KCNC2: variants seen among roughly 807,000 people sequenced by gnomAD.
KCNC2 encodes potassium voltage-gated channel subfamily C member 2.
KCNC2 carries 21 observed loss-of-function variants against 44.5 expected under a neutral mutation model. The ratio of observed to expected loss-of-function variants is 0.47; its 90% CI spans 0.33 to 0.68. KCNC2 has a LOEUF of 0.68. Among genes scored for constraint, KCNC2 ranks in the 30% least tolerant of loss-of-function variants. The pLI is 0.01. For missense variants in KCNC2, 589 were observed against 826.2 expected (o/e 0.71, Z 3.52); for synonymous variants, 391 against 339.1 (o/e 1.15, Z -1.68).
chr12:75,091,745 AG>A (rs1188493491), intron 2 of KCNC2, among the ~76,000 whole-genome samples: 2 of 151,606 alleles, frequency 1.3e-5, no homozygotes, highest in Non-Finnish European at 3.0e-5. Context: ...ACAAATGAGT[AG>A]GCACCTATAC....
chr12:75,143,823 A>G (rs971780641), intron 2 of KCNC2, among the ~76,000 whole-genome samples: 1 of 152,216 alleles, frequency 6.6e-6, no homozygotes, highest in African/African-American at 2.4e-5. Flanking sequence ...AATCTTCTGT[A>G]ACTCAGATTG....
chr12:75,047,988 T>C (rs1880721561), intron 4 of KCNC2, among the ~76,000 whole-genome samples, 165 bp downstream of exon 4: 2 of 152,094 alleles, frequency 1.3e-5, no homozygotes, highest in African/African-American at 4.8e-5. Flanking sequence ...GGTTATTATG[T>C]ATTTTAACAA....
At chr12:75,158,228 G>C (rs951799685) in intron 2 of KCNC2, among the ~76,000 whole-genome samples, 1 of 151,780 alleles carries the variant, frequency 6.6e-6, no homozygotes, top group Non-Finnish European at 1.5e-5. Flanking sequence ...AATAAAATCA[G>C]CATCATTACT....
chr12:75,080,021 A>G (rs1156347642), intron 2 of KCNC2, among the ~76,000 whole-genome samples: 1 of 152,162 alleles, frequency 6.6e-6, no homozygotes, highest in African/African-American at 2.4e-5. Context: ...GACTTGCTCT[A>G]TGATTGTTCT....
chr12:75,072,974 C>T (rs1457579603), intron 2 of KCNC2, among the ~76,000 whole-genome samples: 1 of 152,058 alleles, frequency 6.6e-6, no homozygotes, highest in East Asian at 1.9e-4. Context: ...GAATACATCC[C>T]TTATTATGGA....
In KCNC2 at chr12:75,051,064, A is replaced by G; in HGVS notation, c.941T>C (p.Leu314Pro). Residue 314 changes from leucine (L) to proline (P), a missense_variant, in exon 3 of 5, where the codon CTC becomes CCC. This residue lies in a region of KCNC2 where 67 missense variants were observed against 237.4 expected (regional missense o/e 0.28). Transcript: ENST00000549446. ...GGCCACAAAGTCAATGATATTCAAG[A>G]GATTTTTGATGAATTCAAGTTTATT... The part of the protein sequence containing the change: ...SPNKLEFIKN[L>P]LNIIDFVAIL... The G allele has an allele frequency of 6.2e-7, 1 of 1,613,858 alleles. No homozygotes were observed. Among genetic ancestry groups the G allele is most frequent in the Non-Finnish European group, 8.5e-7 (1 of 1,179,850 alleles).
At chr12:75,104,582 C>A (rs148183449) in intron 2 of KCNC2, among the ~76,000 whole-genome samples, 8 of 152,204 alleles carry the variant, frequency 5.3e-5, no homozygotes, top group African/African-American at 1.9e-4. Flanking sequence ...TACTTTAATT[C>A]TGAGCATGGT....
chr12:75,169,453 C>G lies in KCNC2; in HGVS notation c.687+37844G>C, dbSNP rs962802072. On this transcript the variant is annotated intron_variant, in intron 2 of 4. Coordinates refer to ENST00000549446, the MANE Select transcript of KCNC2 (RefSeq NM_139137.4). ...TAAGTGTGCAAAATGATAATTTATT[C>G]TTTTAAAATTTATGAAATCAAAAGA... Among the ~76,000 whole-genome samples, 2 of 151,384 alleles carry G rather than the reference C, an allele frequency of 1.3e-5. 1 individual carries two copies. The highest frequency in any genetic ancestry group is 4.1e-4 in the South Asian group (2 of 4,822).
At chr12:75,177,053 T>TATATATAC (rs1387721182) in intron 2 of KCNC2, among the ~76,000 whole-genome samples, 1 of 149,096 alleles carries the variant, frequency 6.7e-6, no homozygotes, top group Non-Finnish European at 1.5e-5. Context: ...TATATATATA[T>TATATATAC]ATATACACAC....
At chr12:75,140,413 T>C (rs571835782) in intron 2 of KCNC2, among the ~76,000 whole-genome samples, 2 of 152,298 alleles carry the variant, frequency 1.3e-5, no homozygotes, top group East Asian at 3.9e-4. Flanking sequence ...AATTATTTTG[T>C]AAATGGCAAA....
intron 2 of KCNC2, among the ~76,000 whole-genome samples, chr12:75,071,357 T>C: frequency 6.6e-6 from 1 of 152,152 alleles, no homozygotes; most frequent in East Asian, 1.9e-4. Context: ...GCTTCACGAA[T>C]AAAGGGGTAT....
chr12:75,082,300 GTAA>G (rs903780959), intron 2 of KCNC2, among the ~76,000 whole-genome samples: 5 of 151,804 alleles, frequency 3.3e-5, no homozygotes, highest in Middle Eastern at 3.4e-3. Flanking sequence ...AACAATAAAG[GTAA>G]TAATAATTTT....
At chr12:75,059,664 C>A (rs1293203126) in intron 2 of KCNC2, among the ~76,000 whole-genome samples, 1 of 152,022 alleles carries the variant, frequency 6.6e-6, no homozygotes, top group Non-Finnish European at 1.5e-5. Context: ...TTATGTATGA[C>A]TAACAGGACA....
intron 2 of KCNC2, among the ~76,000 whole-genome samples, chr12:75,164,831 A>T (rs1217446701): frequency 6.6e-6 from 1 of 151,698 alleles, no homozygotes; most frequent in Non-Finnish European, 1.5e-5. Flanking sequence ...TGCATAAATT[A>T]TTCAAAATAG....
At chr12:75,046,650 C>T (rs1880554479) in intron 4 of KCNC2, among the ~76,000 whole-genome samples, 1 of 151,688 alleles carries the variant, frequency 6.6e-6, no homozygotes, top group Non-Finnish European at 1.5e-5. Flanking sequence ...TGCTCAAATA[C>T]TATGATAGTG....
chr12:75,147,809 C>T (rs569650521), intron 2 of KCNC2, among the ~76,000 whole-genome samples: 4 of 152,198 alleles, frequency 2.6e-5, no homozygotes, highest in African/African-American at 9.6e-5. Flanking sequence ...ACCAAAGTAA[C>T]CTAGTTTTCA....
intron 2 of KCNC2, among the ~76,000 whole-genome samples, chr12:75,086,637 C>A: frequency 7.6e-6 from 1 of 132,022 alleles, no homozygotes; most frequent in Non-Finnish European, 1.6e-5. Context: ...GAATGTAGTC[C>A]CATAAAAAGC....
chr12:75,101,806 A>G (rs1384800652), intron 2 of KCNC2, among the ~76,000 whole-genome samples: 1 of 152,112 alleles, frequency 6.6e-6, no homozygotes, highest in Admixed American at 6.6e-5. Flanking sequence ...AAAATTGCAT[A>G]TATACATTCC....
chr12:75,098,677 T>G (rs1592864294), intron 2 of KCNC2, among the ~76,000 whole-genome samples: 1 of 151,870 alleles, frequency 6.6e-6, no homozygotes, highest in African/African-American at 2.4e-5. Context: ...GAGAATGGCT[T>G]GAACTCAGGA....
Sources: gnomAD v4.1 joint callset for allele counts (sites outside exome capture counted in the v4.1 genomes callset) on GRCh38, gnomAD v4.1.1 for gene constraint, gnomAD v4.1.1 regional missense constraint, MANE v1.5 for transcripts, NCBI Gene and HGNC (gene_info 2026-07-23, HGNC 2026-07-21) for gene names.